SCP2: variants seen among roughly 807,000 people sequenced by gnomAD.
The protein encoded by SCP2 is SCP-2/3-oxoacyl-CoA thiolase.
SCP2 carries 48 observed loss-of-function variants against 71.4 expected under a neutral mutation model. The observed-to-expected ratio is 0.67, with a 90% confidence interval of 0.53 to 0.86. SCP2 has a LOEUF of 0.86. Ranked by LOEUF, SCP2 falls within the 40% of genes least tolerant of loss-of-function variation. The probability of loss-of-function intolerance (pLI) is 0.00; values close to 1 mark genes in which losing one functional copy is unlikely to be tolerated. For synonymous variants in SCP2, 220 were observed against 218.1 expected (o/e 1.01, Z -0.08); for missense variants, 560 against 655.6 (o/e 0.85, Z 1.59).
chr1:53,022,003 C>G (rs1361035861), intron 12 of SCP2, among the ~76,000 whole-genome samples: 4 of 152,312 alleles, frequency 2.6e-5, no homozygotes, highest in African/African-American at 7.2e-5. Context: ...AATTCACATG[C>G]CCACAATTCA....
At chr1:52,986,603 G>C (rs1238138783) in intron 10 of SCP2, among the ~76,000 whole-genome samples, 1 of 152,194 alleles carries the variant, frequency 6.6e-6, no homozygotes, top group Non-Finnish European at 1.5e-5. Context: ...AACACAGGCT[G>C]TGGAGCCAGG....
chr1:52,994,375 C>T (rs1403747358), intron 11 of SCP2: 1 of 724,532 alleles, frequency 1.4e-6, no homozygotes, highest in Non-Finnish European at 1.7e-6. Flanking sequence ...TGTTGACATA[C>T]AACTTTTTTC....
rs34293671 is a variant in SCP2, at chr1:53,037,879, T to TACACACAC, written c.1339-994_1339-987dup. Among the ~76,000 whole-genome samples the TACACACAC allele has an allele frequency of 9.7e-3, 822 of 84,574 alleles. 9 individuals are homozygous for TACACACAC. Among genetic ancestry groups the TACACACAC allele is most frequent in the South Asian group, 0.014 (27 of 1,932 alleles). The allele number at this position is 84,574 out of a possible 152,430, so 55.5% of individuals were successfully genotyped here. ...AACATAGGGAGATCCTGTCTCTACA[T>TACACACAC]ACACACACACACACACACACACACA... On this transcript the variant is annotated intron_variant, in intron 13 of 15. Coordinates refer to ENST00000371514, the MANE Select transcript of SCP2 (RefSeq NM_002979.5).
intron 9 of SCP2, among the ~76,000 whole-genome samples, chr1:52,979,905 T>G (rs1319193505): frequency 2.2e-5 from 3 of 139,334 alleles, no homozygotes; most frequent in Non-Finnish European, 4.7e-5. Context: ...CCTCCCTCCC[T>G]TCCTTCCTCC....
At chr1:53,045,207 GC>G (rs1163027695) in intron 14 of SCP2, among the ~76,000 whole-genome samples, 1 of 152,058 alleles carries the variant, frequency 6.6e-6, no homozygotes, top group Admixed American at 6.6e-5. Context: ...CCTCCCTCCT[GC>G]CCCCCTGCTA....
At chr1:52,943,777 G>T in intron 2 of SCP2, 1 of 443,010 alleles carries the variant, frequency 2.3e-6, no homozygotes, top group Non-Finnish European at 4.5e-6. Flanking sequence ...GATAACGTCT[G>T]ATTTCACCGA....
chr1:52,962,851 G>A lies in SCP2; in HGVS notation c.523+1222G>A, dbSNP rs144538755. Among the ~76,000 whole-genome samples the A allele has an allele frequency of 4.8e-3, 722 of 151,628 alleles. 3 individuals carry two copies. The Middle Eastern group carries it at 0.065, about 14-fold the overall frequency. On this transcript the variant is annotated intron_variant, in intron 6 of 15. Transcript: ENST00000371514. ...TTTTATATGGCACCTATAATAATCT[G>A]ACATATATCTGACACATACATATAT...
At chr1:53,013,126 T>TTTTTTTTTTTTTTTTTC in intron 11 of SCP2, among the ~76,000 whole-genome samples, 1 of 148,164 alleles carries the variant, frequency 6.7e-6, no homozygotes. Context: ...TTTTTTTTTT[T>TTTTTTTTTTTTTTTTTC]TTTGAGACAG....
At chr1:53,020,202 G>C (rs1303760631) in intron 12 of SCP2, among the ~76,000 whole-genome samples, 2 of 151,942 alleles carry the variant, frequency 1.3e-5, no homozygotes, top group African/African-American at 4.8e-5. Flanking sequence ...AGACAGTTTT[G>C]ATCAGTGGGA....
chr1:52,960,480 ATGTGTGTG>A lies in SCP2; in HGVS notation c.397-991_397-984del, dbSNP rs71044447. ...CCCACCATGCCTGGCTACTATGTAT[ATGTGTGTG>A]TGTGTGTGTGTGTGTGTGTGTGTGT... On this transcript the variant is annotated intron_variant, in intron 5 of 15. Transcript: ENST00000371514. Among the ~76,000 whole-genome samples the A allele has an allele frequency of 3.7e-3, 513 of 139,584 alleles. 2 individuals carry two copies. The highest frequency in any genetic ancestry group is 5.4e-3 in the Non-Finnish European group (348 of 65,006). The allele number at this position is 139,584 out of a possible 152,430, so 91.6% of individuals were successfully genotyped here.
At chr1:53,024,624 G>A (rs1661990207) in intron 12 of SCP2, among the ~76,000 whole-genome samples, 1 of 148,688 alleles carries the variant, frequency 6.7e-6, no homozygotes, top group African/African-American at 2.5e-5. Flanking sequence ...AGGCTGGAGT[G>A]CAGTGGCATG....
chr1:53,004,988 G>T (rs1660540500), intron 11 of SCP2, among the ~76,000 whole-genome samples: 1 of 152,224 alleles, frequency 6.6e-6, no homozygotes, highest in Non-Finnish European at 1.5e-5. Flanking sequence ...CCCATGCCTG[G>T]CTTGGAGGGT....
chr1:52,964,938 C>T (rs1415139284), intron 6 of SCP2, among the ~76,000 whole-genome samples: 1 of 152,040 alleles, frequency 6.6e-6, no homozygotes, highest in Admixed American at 6.6e-5. Flanking sequence ...TGCTTGAACC[C>T]GAGAGGTAGA....
At chr1:52,938,194 C>G (rs1405715355) in intron 1 of SCP2, among the ~76,000 whole-genome samples, 1 of 152,144 alleles carries the variant, frequency 6.6e-6, no homozygotes, top group East Asian at 1.9e-4. Flanking sequence ...GCAGGGTGAT[C>G]AGTAGTGACT....
chr1:53,005,465 T>C (rs1660574397), intron 11 of SCP2, among the ~76,000 whole-genome samples: 1 of 152,160 alleles, frequency 6.6e-6, no homozygotes, highest in African/African-American at 2.4e-5. Flanking sequence ...TGTTCTGCAA[T>C]ATTTGGTGTT....
chr1:52,949,977 A>C (rs1488531658), intron 3 of SCP2, among the ~76,000 whole-genome samples: 1 of 152,210 alleles, frequency 6.6e-6, no homozygotes, highest in African/African-American at 2.4e-5. Context: ...AGGAAGGCAC[A>C]TGTGTATTTA....
At chr1:52,960,132 C>T (rs954771722) in intron 5 of SCP2, among the ~76,000 whole-genome samples, 6 of 151,952 alleles carry the variant, frequency 3.9e-5, no homozygotes, top group Admixed American at 6.6e-5. Flanking sequence ...CCTCGTGATC[C>T]GCCCGCCTGG....
chr1:53,034,349 A>G (rs1245715558), intron 13 of SCP2, among the ~76,000 whole-genome samples: 2 of 151,984 alleles, frequency 1.3e-5, no homozygotes, highest in Non-Finnish European at 2.9e-5. Flanking sequence ...TGCTTAAGTG[A>G]AAGAAGCAGT....
chr1:53,021,136 A>C (rs182615755), intron 12 of SCP2, among the ~76,000 whole-genome samples: 1 of 151,792 alleles, frequency 6.6e-6, no homozygotes, highest in Non-Finnish European at 1.5e-5. Context: ...CCTCCTGAGT[A>C]GTTTGGACCA....
Sources: allele counts gnomAD v4.1 joint callset (sites outside exome capture counted in the v4.1 genomes callset), GRCh38; gene constraint gnomAD v4.1.1; transcripts MANE v1.5; gene names NCBI Gene and HGNC (gene_info 2026-07-23, HGNC 2026-07-21).